Variants in TRIM33 observed in about 807,000 individuals in gnomAD.
TRIM33 encodes the protein E3 ubiquitin-protein ligase TRIM33.
Under a neutral mutation model 125.4 loss-of-function variants are expected in TRIM33, and 20 were observed. The observed-to-expected ratio is 0.16, with a 90% CI of 0.11 to 0.23. The LOEUF (loss-of-function observed/expected upper bound fraction) is 0.23. Among genes scored for constraint, TRIM33 ranks in the 10% least tolerant of loss-of-function variants. The pLI is 1.00. For synonymous variants in TRIM33, 564 were observed against 513.9 expected, an observed-to-expected ratio of 1.10 and a Z score of -1.32; for missense variants, 920 against 1,411.4, an observed-to-expected ratio of 0.65 and a Z score of 5.58.
chr1:114,405,987 A>G (rs1652206103), intron 14 of TRIM33, among the ~76,000 whole-genome samples: 1 of 152,224 alleles, frequency 6.6e-6, no homozygotes, highest in Admixed American at 6.5e-5. Context: ...CACTCAAATA[A>G]TAAGTAAATT....
intron 1 of TRIM33, among the ~76,000 whole-genome samples, chr1:114,481,091 G>C (rs1651303909): frequency 6.6e-6 from 1 of 152,024 alleles, no homozygotes; most frequent in Non-Finnish European, 1.5e-5. Flanking sequence ...AGAATAGCTT[G>C]AACCCCAGGA....
chr1:114,510,633 G>A lies in TRIM33; in HGVS notation c.444C>T (p.Ser148=). The change falls in exon 1 of 20, where the codon TCC becomes TCT. Residue 148 remains serine (S), a synonymous_variant. Coordinates refer to ENST00000358465, the MANE Select transcript of TRIM33 (RefSeq NM_015906.4). ...GCTCGGGCAGGCAGCGCAGGCAGAA[G>A]GAGTGAAGACAGGGCAGCAGCTTGG... The part of the protein sequence containing the change: ...AEPKLLPCLH[S]FCLRCLPEPE... The A allele has an allele frequency of 6.4e-7, 1 of 1,566,412 alleles. No homozygotes were observed. The highest frequency in any genetic ancestry group is 1.2e-5 in the South Asian group (1 of 86,128).
At chr1:114,496,236 A>C (rs1419767835) in intron 1 of TRIM33, among the ~76,000 whole-genome samples, 1 of 152,252 alleles carries the variant, frequency 6.6e-6, no homozygotes, top group Non-Finnish European at 1.5e-5. Context: ...GATAGTATTT[A>C]AGCCAACCCT....
chr1:114,469,775 A>G (rs948684393), intron 1 of TRIM33, among the ~76,000 whole-genome samples: 2 of 152,186 alleles, frequency 1.3e-5, no homozygotes, highest in Non-Finnish European at 2.9e-5. Context: ...TATGTTGCCC[A>G]CTCTTACAAA....
Position 114,405,732 on chromosome 1 carries a change from G to A in TRIM33, c.2446C>T (p.Pro816Ser), listed in dbSNP as rs1453079018. The change falls in exon 15 of 20, where the codon CCA becomes TCA. Residue 816 changes from proline to serine, a missense_variant. By Grantham distance (74) the Pro-to-Ser change is moderately conservative. Around this residue, in one of 8 missense-constraint regions of TRIM33, gnomAD observed 407 missense variants for 589.7 expected, o/e 0.69. Transcript: ENST00000358465. ...AGATGCAGGTTGGTTGAGAGAGGTGGTGTCAAGCTACTCTCAGGACTGCTC... is the reference window on the plus strand; with the variant it reads ...AGATGCAGGTTGGTTGAGAGAGGTGATGTCAAGCTACTCTCAGGACTGCTC... ...MLSSPESSLT[P>S]PLSTNLHLES... is the part of the protein sequence containing the mutation. 3 of 1,613,948 alleles carry A rather than the reference G, an allele frequency of 1.9e-6. No homozygotes were observed. The highest frequency in any genetic ancestry group is 2.5e-6 in the Non-Finnish European group (3 of 1,179,882).
chr1:114,480,460 C>A (rs1570634187), intron 1 of TRIM33, among the ~76,000 whole-genome samples: 2 of 137,418 alleles, frequency 1.5e-5, no homozygotes, highest in Non-Finnish European at 3.1e-5. Flanking sequence ...CGAGAAACAC[C>A]CAAGAATGAT....
At chr1:114,477,205 T>A (rs1166821968) in intron 1 of TRIM33, among the ~76,000 whole-genome samples, 3 of 152,146 alleles carry the variant, frequency 2.0e-5, no homozygotes, top group Non-Finnish European at 4.4e-5. Context: ...TATATGGTTA[T>A]ATAAACAGAT....
At position 114,392,986 on chromosome 1, in the gene TRIM33, G is replaced by A. The variant is rs777846363; in HGVS notation, c.*4662C>T. The A allele has an allele frequency of 2.5e-4, 51 of 200,106 alleles. No homozygotes were observed. The highest frequency in any genetic ancestry group is 8.7e-4 in the African/African-American group (38 of 43,620). The allele number at this position is 200,106 out of a possible 1,614,324, so 12.4% of individuals were successfully genotyped here. A position where few individuals can be genotyped will look rare whatever the true frequency, so the allele number is the denominator to read the frequency against. Reference sequence around the variant, plus strand: ...TACACACCAGCAAAAACACAGGAACGAAACAATTAGAAACTGCAACCTTGT... The same window carrying A: ...TACACACCAGCAAAAACACAGGAACAAAACAATTAGAAACTGCAACCTTGT... On this transcript the variant is annotated 3_prime_UTR_variant, in exon 20 of 20. Transcript: ENST00000358465.
intron 1 of TRIM33, among the ~76,000 whole-genome samples, chr1:114,485,445 A>C (rs1204519141): frequency 6.6e-6 from 1 of 152,110 alleles, no homozygotes; most frequent in Non-Finnish European, 1.5e-5. Flanking sequence ...TGGTATGATA[A>C]AATCCAAGTG....
At position 114,397,434 on chromosome 1, in the gene TRIM33, T is replaced by C. The variant is rs1475719806; in HGVS notation, c.*214A>G. On this transcript the variant is annotated 3_prime_UTR_variant, in exon 20 of 20. Transcript: ENST00000358465. ...TCACTTTTGCTTTTTGCTTTGAAAC[T>C]TGCAAACAGACTTCTCTCCCCCTTT... 1.8e-6 allele frequency: 1 copy of C among 546,890 alleles called. No individual in the cohort carries two copies. The highest frequency in any genetic ancestry group is 3.2e-6 in the Non-Finnish European group (1 of 310,184). The allele number at this position is 546,890 out of a possible 1,614,324, so 33.9% of individuals were successfully genotyped here.
At chr1:114,422,369 C>A (rs890680227) in intron 10 of TRIM33, among the ~76,000 whole-genome samples, 9 of 152,262 alleles carry the variant, frequency 5.9e-5, no homozygotes, top group African/African-American at 2.2e-4. Context: ...TGCGCTCTGA[C>A]AAGGTGTACT....
intron 13 of TRIM33, among the ~76,000 whole-genome samples, chr1:114,407,868 T>C (rs1266671337): frequency 6.6e-6 from 1 of 152,134 alleles, no homozygotes; most frequent in Non-Finnish European, 1.5e-5. Context: ...TATAACCCAA[T>C]AGTTGATGAC....
intron 13 of TRIM33, among the ~76,000 whole-genome samples, chr1:114,408,302 T>G (rs891722342): frequency 2.0e-4 from 30 of 151,140 alleles, no homozygotes; most frequent in African/African-American, 7.3e-4. Context: ...AATCATCTGG[T>G]TTTTTTTTCA....
chr1:114,492,391 A>G (rs139783291), intron 1 of TRIM33, among the ~76,000 whole-genome samples: 323 of 152,348 alleles, frequency 2.1e-3, no homozygotes, highest in African/African-American at 7.4e-3. Context: ...TTATGTATGT[A>G]TATTATGTAT....
At chr1:114,494,693 A>G (rs1366969163) in intron 1 of TRIM33, among the ~76,000 whole-genome samples, 1 of 152,236 alleles carries the variant, frequency 6.6e-6, no homozygotes, top group Non-Finnish European at 1.5e-5. Flanking sequence ...CAACAGCCGT[A>G]CTAAAAGATG....
chr1:114,447,671 T>C (rs1410673687), intron 4 of TRIM33, among the ~76,000 whole-genome samples: 2 of 152,156 alleles, frequency 1.3e-5, no homozygotes, highest in East Asian at 3.8e-4. Context: ...ACATCCAACC[T>C]AGAAGAACAA....
intron 11 of TRIM33, 64 bp from the exon 12 acceptor site, chr1:114,410,380 G>GTCAC (rs1652511182): frequency 2.7e-6 from 4 of 1,492,270 alleles, no homozygotes; most frequent in Non-Finnish European, 2.7e-6. Context: ...TTAATTTTAT[G>GTCAC]TCACTGCTTA....
At position 114,397,763 on chromosome 1, in the gene TRIM33, G is replaced by C; in HGVS notation, c.3269C>G (p.Pro1090Arg). ...ATCATCCTCTTCCTGCTCAAACTCT[G>C]GCAAAGGTGCGAAGGTCCTGTCTGA... ...IYSDRTFAPL[P>R]EFEQEEDDGE... Residue 1090 changes from proline to arginine, a missense_variant, in exon 20 of 20, where the codon CCA becomes CGA. This residue lies in a region of TRIM33 where 122 missense variants were observed against 236.8 expected (regional missense o/e 0.52). Coordinates refer to ENST00000358465, the MANE Select transcript of TRIM33 (RefSeq NM_015906.4). 2 of 1,613,716 alleles carry C rather than the reference G, an allele frequency of 1.2e-6. No homozygotes were observed. Among genetic ancestry groups the C allele is most frequent in the Non-Finnish European group, 1.7e-6 (2 of 1,179,902 alleles).
chr1:114,506,384 A>C (rs1199136650), intron 1 of TRIM33, among the ~76,000 whole-genome samples: 1 of 81,694 alleles, frequency 1.2e-5, no homozygotes, highest in Non-Finnish European at 2.4e-5. Context: ...AAACTGTCTC[A>C]AAAAAAAAAA....
Sources: allele counts gnomAD v4.1 joint callset (sites outside exome capture counted in the v4.1 genomes callset), GRCh38; gene constraint gnomAD v4.1.1; regional missense constraint gnomAD v4.1.1; transcripts MANE v1.5; gene names NCBI Gene and HGNC (gene_info 2026-07-23, HGNC 2026-07-21).